FLYWCH1: variants seen among roughly 807,000 people sequenced by gnomAD.
The protein encoded by FLYWCH1 is FLYWCH-type zinc finger-containing protein 1.
A neutral mutation model predicts 66.4 loss-of-function variants in FLYWCH1; 75 were observed. That is an observed-to-expected ratio of 1.13 (90% CI 0.94 to 1.37). The LOEUF (loss-of-function observed/expected upper bound fraction) is 1.37, where lower values mean the gene tolerates loss of function less well. FLYWCH1 is among the 40% of genes most tolerant of loss of function. The pLI, the probability that FLYWCH1 is intolerant of heterozygous loss-of-function variation, is 0.00. For synonymous variants in FLYWCH1, 595 were observed against 429.9 expected (o/e 1.38, Z -4.75); for missense variants, 1,334 against 1,001.8 (o/e 1.33, Z -4.48).
intron 9 of FLYWCH1, among the ~76,000 whole-genome samples, chr16:2,942,359 G>A (rs143066328): frequency 1.3e-5 from 2 of 151,934 alleles, no homozygotes; most frequent in African/African-American, 4.8e-5. Context: ...TGTTGTCCAG[G>A]CTGGTCTCCA....
In FLYWCH1 at chr16:2,914,296, C is replaced by T. The variant is rs1034747027; in HGVS notation, c.-74+7C>T. The T allele has an allele frequency of 9.2e-5, 14 of 152,228 alleles. No individual in the cohort carries two copies. The highest frequency in any genetic ancestry group is 3.4e-4 in the African/African-American group (14 of 41,444). 9.4% of individuals were successfully genotyped at this position (152,228 alleles called of 1,614,324 possible). A position where few individuals can be genotyped will look rare whatever the true frequency, so the allele number is the denominator to read the frequency against. ...TTCTCACTCACGTGTGAAGGTAATT[C>T]TGTGGCTCCATCAGCTGCCGACAGA... is the stretch of plus-strand genomic sequence containing the variant. On this transcript the variant is annotated splice_region_variant and intron_variant, in intron 2 of 9. Coordinates refer to ENST00000253928, the MANE Select transcript of FLYWCH1 (RefSeq NM_001308068.2).
At chr16:2,931,197 G>T (rs1008875702) in intron 4 of FLYWCH1, among the ~76,000 whole-genome samples, 2 of 151,118 alleles carry the variant, frequency 1.3e-5, no homozygotes, top group East Asian at 3.9e-4. Flanking sequence ...CAGCTACTCA[G>T]GAGACTGAGG....
Position 2,930,422 on chromosome 16 carries a change from C to T in FLYWCH1, c.338C>T (p.Ser113Phe), listed in dbSNP as rs2070719387. The T allele has an allele frequency of 6.8e-7, 1 of 1,465,778 alleles. No individual in the cohort carries two copies. The highest frequency in any genetic ancestry group is 1.8e-4 in the Middle Eastern group (1 of 5,638). The allele number at this position is 1,465,778 out of a possible 1,614,324, so 90.8% of individuals were successfully genotyped here. A position where few individuals can be genotyped will look rare whatever the true frequency, so the allele number is the denominator to read the frequency against. Residue 113 changes from serine to phenylalanine, a missense_variant, in exon 4 of 10, where the codon TCC (serine) becomes TTC (phenylalanine). Transcript: ENST00000253928. ...CSKLDAAAPQ[S>F]LEFLRTPFGG... ...CCCGTTCCCCCAGCAGCCCCTCAGT[C>T]CCTGGAGTTCCTGAGGACACCATTC...
At chr16:2,936,615 A>G (rs1247987978) in intron 6 of FLYWCH1, 2 of 457,314 alleles carry the variant, frequency 4.4e-6, no homozygotes, top group Admixed American at 4.7e-5. Context: ...GCCACCCGCC[A>G]GGTCCTCCCT....
intron 2 of FLYWCH1, among the ~76,000 whole-genome samples, chr16:2,921,351 CTTT>C (rs34365244): frequency 3.6e-5 from 5 of 137,728 alleles, no homozygotes; most frequent in Admixed American, 7.3e-5. Flanking sequence ...AATTTTAGGA[CTTT>C]TTTTTTTTTT....
At chr16:2,934,599 TC>T in intron 6 of FLYWCH1, 1 of 456,012 alleles carries the variant, frequency 2.2e-6, no homozygotes, top group South Asian at 1.6e-5. Flanking sequence ...CACCTGCTCT[TC>T]CTTCACGCCC....
chr16:2,943,609 T>C (rs12925401), intron 9 of FLYWCH1: 42,804 of 151,312 alleles, frequency 0.28, 6,194 homozygotes, highest in Admixed American at 0.3. Context: ...ATAAAAGGAG[T>C]TTCTTCAGCC....
chr16:2,933,343 G>A lies in FLYWCH1; in HGVS notation c.1010G>A (p.Gly337Asp). The A allele has an allele frequency of 1.2e-6, 2 of 1,606,994 alleles. No homozygotes were observed. Among genetic ancestry groups the A allele is most frequent in the South Asian group, 2.2e-5 (2 of 90,066 alleles). ...RGHCHQPDME[G>D]LEARRQQEKA... ...CACTGCCACCAGCCCGATATGGAGG[G>A]CCTGGAAGCCCGGCGGCAGCAGGAG... Residue 337 changes from glycine (G) to aspartate (D), a missense_variant, in exon 5 of 10, where the codon GGC becomes GAC. Physicochemically the swap from Gly to Asp is moderately conservative, Grantham distance 94 (BLOSUM62 -1). Transcript: ENST00000253928.
chr16:2,912,350 C>G (rs1748165706), intron 1 of FLYWCH1, among the ~76,000 whole-genome samples, 196 bp downstream of exon 1: 1 of 151,564 alleles, frequency 6.6e-6, no homozygotes, highest in African/African-American at 2.4e-5. Flanking sequence ...CCCCCCGTCC[C>G]CTGGCCTAAG....
At chr16:2,937,437 C>G in intron 7 of FLYWCH1, 53 bp downstream of exon 7, 1 of 1,466,098 alleles carries the variant, frequency 6.8e-7, no homozygotes, top group Non-Finnish European at 8.9e-7. Flanking sequence ...GGACCTGTGC[C>G]CCACACGCTG....
At chr16:2,912,385 C>T (rs2070020375) in intron 1 of FLYWCH1, among the ~76,000 whole-genome samples, 1 of 150,454 alleles carries the variant, frequency 6.6e-6, no homozygotes, top group South Asian at 2.2e-4. Context: ...ATCAAGGATC[C>T]CCGCACTCGT....
intron 2 of FLYWCH1, chr16:2,928,923 T>A (rs1056257482): frequency 6.6e-6 from 1 of 152,362 alleles, no homozygotes; most frequent in Non-Finnish European, 1.5e-5. Context: ...ACAAGGTGGC[T>A]GCCACTGTGG....
intron 2 of FLYWCH1, among the ~76,000 whole-genome samples, chr16:2,914,709 G>C (rs1567316170): frequency 2.0e-5 from 3 of 152,024 alleles, no homozygotes; most frequent in Non-Finnish European, 4.4e-5. Context: ...GACCAGCCTG[G>C]CTAACATGGT....
chr16:2,923,146 C>T (rs1016168895), intron 2 of FLYWCH1: 20 of 388,158 alleles, frequency 5.2e-5, no homozygotes, highest in Non-Finnish European at 8.4e-5. Flanking sequence ...CGCCTTTCAA[C>T]GCTGCCGCCT....
chr16:2,941,556 G>C (rs924506385), intron 9 of FLYWCH1, among the ~76,000 whole-genome samples: 2 of 150,984 alleles, frequency 1.3e-5, no homozygotes, highest in Non-Finnish European at 3.0e-5. Context: ...CTCCAGCCTG[G>C]GAGACAGAGC....
chr16:2,942,565 A>T (rs74907484), intron 9 of FLYWCH1, among the ~76,000 whole-genome samples: 1 of 150,208 alleles, frequency 6.7e-6, no homozygotes, highest in Non-Finnish European at 1.5e-5. Context: ...AACAGAATCC[A>T]GCAACATAAA....
intron 4 of FLYWCH1, among the ~76,000 whole-genome samples, chr16:2,932,806 A>G (rs979118620): frequency 3.3e-5 from 5 of 151,788 alleles, no homozygotes; most frequent in Admixed American, 6.6e-5. Context: ...CCTTGATGCA[A>G]CATTGAGCAG....
At chr16:2,921,258 C>A (rs2070364952) in intron 2 of FLYWCH1, among the ~76,000 whole-genome samples, 1 of 151,658 alleles carries the variant, frequency 6.6e-6, no homozygotes, top group Admixed American at 6.6e-5. Context: ...CCAAGTATCA[C>A]CACCATCAAT....
At chr16:2,938,508 C>G in intron 8 of FLYWCH1, 52 bp downstream of exon 8, 1 of 1,488,088 alleles carries the variant, frequency 6.7e-7, no homozygotes, top group Non-Finnish European at 8.9e-7. Flanking sequence ...CTCATCTCTT[C>G]CAGCTCAGAA....
Sources: gnomAD v4.1 joint callset for allele counts (sites outside exome capture counted in the v4.1 genomes callset) on GRCh38, gnomAD v4.1.1 for gene constraint, MANE v1.5 for transcripts, NCBI Gene and HGNC (gene_info 2026-07-23, HGNC 2026-07-21) for gene names.